RYR3: variants seen among roughly 807,000 people sequenced by gnomAD.
RYR3 encodes ryanodine receptor 3, also known as brain ryanodine receptor-calcium release channel.
A neutral mutation model predicts 584.3 loss-of-function variants in RYR3; 207 were observed. That is an observed-to-expected ratio of 0.35 (90% confidence interval 0.32 to 0.40). The LOEUF (loss-of-function observed/expected upper bound fraction) is 0.40, where lower values mean the gene tolerates loss of function less well. RYR3 is among the 10% of genes least tolerant of loss of function. The pLI is 1.00. For synonymous variants in RYR3, 2,416 were observed against 2,248.5 expected (o/e 1.07, Z -2.11); for missense variants, 5,616 against 6,089.2 (o/e 0.92, Z 2.59).
At chr15:33,473,398 G>C in intron 1 of RYR3, 21 bp from the exon 2 acceptor site, 1 of 1,613,376 alleles carries the variant, frequency 6.2e-7, no homozygotes, top group South Asian at 1.1e-5. Flanking sequence ...ACTCATGTTT[G>C]GGTCTCTCTT....
At chr15:33,747,803 C>T (rs893840452) in intron 53 of RYR3, among the ~76,000 whole-genome samples, 6 of 152,270 alleles carry the variant, frequency 3.9e-5, no homozygotes, top group Middle Eastern at 3.4e-3. Flanking sequence ...TGACAATCTT[C>T]AACAACTACT....
chr15:33,350,906 A>AGGAAAT (rs1245811301), intron 1 of RYR3, among the ~76,000 whole-genome samples: 3 of 152,218 alleles, frequency 2.0e-5, no homozygotes, highest in African/African-American at 4.8e-5. Context: ...GAAATAACCA[A>AGGAAAT]AGTCAGAGCA....
intron 32 of RYR3, 99 bp downstream of exon 32, chr15:33,652,982 T>C (rs1276404210): frequency 3.1e-6 from 4 of 1,288,036 alleles, no homozygotes; most frequent in East Asian, 2.4e-5. Flanking sequence ...CCACAGTGTG[T>C]CAAGCTGATG....
At chr15:33,759,150 A>G (rs900690101) in intron 60 of RYR3, among the ~76,000 whole-genome samples, 1 of 152,256 alleles carries the variant, frequency 6.6e-6, no homozygotes, top group Non-Finnish European at 1.5e-5. Context: ...GGTCACCAAC[A>G]TCAAAGATCG....
intron 1 of RYR3, among the ~76,000 whole-genome samples, chr15:33,429,098 G>A (rs980543373): frequency 2.0e-5 from 3 of 152,232 alleles, no homozygotes; most frequent in South Asian, 2.1e-4. Flanking sequence ...TCTCCTGCTC[G>A]CATCCTTCGT....
At chr15:33,432,698 T>TGTGTGTGTGTGTGTGTGTGTGTGTGTG (rs2045294463) in intron 1 of RYR3, among the ~76,000 whole-genome samples, 1 of 77,522 alleles carries the variant, frequency 1.3e-5, no homozygotes, top group African/African-American at 9.4e-5. Flanking sequence ...GTGTGTGTGT[T>TGTGTGTGTGTGTGTGTGTGTGTGTGTG]TAAAGTAGAG....
chr15:33,702,706 G>A (rs2066395715), intron 42 of RYR3, among the ~76,000 whole-genome samples: 1 of 152,036 alleles, frequency 6.6e-6, no homozygotes. Context: ...GGTACATGAG[G>A]TGACTCCAAG....
chr15:33,664,746 A>G (rs72713252), intron 36 of RYR3, among the ~76,000 whole-genome samples: 16,995 of 151,882 alleles, frequency 0.11, 1,134 homozygotes, highest in East Asian at 0.25. Context: ...TAGAGTAAGC[A>G]TACATACATG....
chr15:33,624,012 G>A lies in RYR3; in HGVS notation c.2563G>A (p.Asp855Asn). The change falls in exon 20 of 104, where the codon GAC (aspartate) becomes AAC (asparagine). Residue 855 changes from aspartate (D) to asparagine (N), a missense_variant. By Grantham distance (23) the Asp-to-Asn change is conservative. Coordinates refer to ENST00000634891, the MANE Select transcript of RYR3 (RefSeq NM_001036.6). ...SQASFIPCPV[D>N]TSQVILPPHL... ...AGCCTCTTTCATCCCATGCCCCGTA[G>A]ACACCAGTCAGGTAGGTTCAAATTG... The A allele has an allele frequency of 1.9e-6, 3 of 1,613,596 alleles. No homozygotes were observed. Among genetic ancestry groups the A allele is most frequent in the South Asian group, 2.2e-5 (2 of 91,068 alleles).
At chr15:33,715,821 G>A (rs969704152) in intron 43 of RYR3, among the ~76,000 whole-genome samples, 1 of 152,128 alleles carries the variant, frequency 6.6e-6, no homozygotes, top group African/African-American at 2.4e-5. Context: ...CCTTTTATAA[G>A]GGTACTAATC....
chr15:33,706,639 A>G (rs2066741767), intron 42 of RYR3, among the ~76,000 whole-genome samples: 1 of 152,182 alleles, frequency 6.6e-6, no homozygotes, highest in Non-Finnish European at 1.5e-5. Context: ...TTCATCCATC[A>G]GTGGCCACGT....
chr15:33,810,228 G>A (rs994697271), intron 70 of RYR3, among the ~76,000 whole-genome samples: 8 of 152,218 alleles, frequency 5.3e-5, no homozygotes, highest in African/African-American at 9.6e-5. Flanking sequence ...AGCAATAGGC[G>A]TCGGTGATGT....
intron 1 of RYR3, among the ~76,000 whole-genome samples, chr15:33,440,751 A>G (rs7182192): frequency 1.9e-3 from 297 of 152,364 alleles, no homozygotes; most frequent in African/African-American, 6.9e-3. Flanking sequence ...GTAGAGCCGT[A>G]AAACCTGGCT....
chr15:33,663,772 A>G (rs373975976), intron 36 of RYR3, 35 bp downstream of exon 36: 121 of 1,549,792 alleles, frequency 7.8e-5, no homozygotes, highest in Non-Finnish European at 9.0e-5. Flanking sequence ...TCCAGTTCCT[A>G]TGGAAGAACT....
chr15:33,827,352 C>CACA, intron 85 of RYR3, 65 bp downstream of exon 85: 1 of 1,436,074 alleles, frequency 7.0e-7, no homozygotes, highest in Non-Finnish European at 9.6e-7. Context: ...AACACAGTTA[C>CACA]ACAGGGTCAG....
chr15:33,548,060 G>A, intron 8 of RYR3, 70 bp from the exon 9 acceptor site: 1 of 1,077,082 alleles, frequency 9.3e-7, no homozygotes, highest in South Asian at 1.3e-5. Flanking sequence ...GCCTCTGCAG[G>A]GAGCTGTTCT....
At chr15:33,546,342 T>C (rs941598290) in intron 8 of RYR3, among the ~76,000 whole-genome samples, 1 of 152,138 alleles carries the variant, frequency 6.6e-6, no homozygotes, top group African/African-American at 2.4e-5. Flanking sequence ...TAGCAAATTT[T>C]CCTAAGTGGC....
In RYR3 at chr15:33,634,706, A is replaced by G. The variant is rs762989640; in HGVS notation, c.3148A>G (p.Asn1050Asp). 6.2e-7 allele frequency: 1 copy of G among 1,613,998 alleles called. No individual in the cohort carries two copies. The highest frequency in any genetic ancestry group is 8.5e-7 in the Non-Finnish European group (1 of 1,179,870). ...GCGCACTTTTGTTGGTTACGGGTAT[A>G]ACATTGAGCCATCAGACCAAGAACT... ...AVRTFVGYGYNIEPSDQELAD... is the reference protein window; with the variant it reads ...AVRTFVGYGYDIEPSDQELAD... The change falls in exon 25 of 104, where the codon AAC becomes GAC. Residue 1050 changes from asparagine to aspartate, a missense_variant. Physicochemically the swap from Asn to Asp is conservative, Grantham distance 23. Around this residue, in one of 9 missense-constraint regions of RYR3, gnomAD observed 1,284 missense variants for 1,344.6 expected, o/e 0.95. Coordinates refer to ENST00000634891, the MANE Select transcript of RYR3 (RefSeq NM_001036.6).
intron 1 of RYR3, among the ~76,000 whole-genome samples, chr15:33,324,571 A>G (rs567504074): frequency 2.8e-4 from 42 of 152,282 alleles, no homozygotes; most frequent in African/African-American, 9.1e-4. Flanking sequence ...GCTGTGTATG[A>G]CACTGATTTA....
Sources: allele counts gnomAD v4.1 joint callset (sites outside exome capture counted in the v4.1 genomes callset), GRCh38; gene constraint gnomAD v4.1.1; regional missense constraint gnomAD v4.1.1; transcripts MANE v1.5; gene names NCBI Gene and HGNC (gene_info 2026-07-23, HGNC 2026-07-21).